The following MACROH2A1 variants were observed in gnomAD, a reference collection of about 807,000 sequenced individuals.
MACROH2A1 encodes the protein macroH2A.1 histone.
Under a neutral mutation model 31.6 loss-of-function variants are expected in MACROH2A1, and 2 were observed. The observed-to-expected ratio is 0.06, with a 90% CI of 0.03 to 0.20. MACROH2A1 has a LOEUF of 0.20. MACROH2A1 is among the 10% of genes least tolerant of loss of function. The pLI is 1.00. For missense variants in MACROH2A1, 230 were observed against 474.0 expected, an observed-to-expected ratio of 0.49 and a Z score of 4.78; for synonymous variants, 169 against 189.6, an observed-to-expected ratio of 0.89 and a Z score of 0.89.
intron 8 of MACROH2A1, among the ~76,000 whole-genome samples, chr5:135,337,359 G>GGCCCATGCCCAT (rs58874397): frequency 2.6e-5 from 4 of 151,676 alleles, no homozygotes; most frequent in South Asian, 2.1e-4. Context: ...AGTGTAGCCT[G>GGCCCATGCCCAT]GCCCATGCCC....
intron 8 of MACROH2A1, among the ~76,000 whole-genome samples, chr5:135,342,463 A>G (rs547132089): frequency 6.6e-6 from 1 of 152,344 alleles, no homozygotes; most frequent in East Asian, 1.9e-4. Context: ...TTATTTGCTG[A>G]CATGTGTGGG....
chr5:135,393,813 G>A (rs1399773171), intron 1 of MACROH2A1, among the ~76,000 whole-genome samples: 2 of 152,136 alleles, frequency 1.3e-5, no homozygotes, highest in African/African-American at 4.8e-5. Context: ...GATCTCTGTG[G>A]TCTTTATTTC....
chr5:135,340,472 G>C (rs1759633317), intron 8 of MACROH2A1, among the ~76,000 whole-genome samples: 1 of 152,210 alleles, frequency 6.6e-6, no homozygotes, highest in Non-Finnish European at 1.5e-5. Context: ...CTGGAGAGGG[G>C]TCACCCCTAA....
intron 1 of MACROH2A1, among the ~76,000 whole-genome samples, chr5:135,397,568 A>G (rs549537652): frequency 6.6e-6 from 1 of 152,348 alleles, no homozygotes; most frequent in South Asian, 2.1e-4. Context: ...CTCCTTGTAA[A>G]ACTAGAAGGG....
intron 2 of MACROH2A1, among the ~76,000 whole-genome samples, chr5:135,375,204 G>C (rs373446655): frequency 1.4e-4 from 21 of 152,308 alleles, no homozygotes; most frequent in African/African-American, 4.8e-4. Flanking sequence ...TGAGTGGCTG[G>C]CACCATCATC....
intron 1 of MACROH2A1, among the ~76,000 whole-genome samples, chr5:135,395,357 G>A (rs1182909124): frequency 6.6e-6 from 1 of 152,142 alleles, no homozygotes; most frequent in Non-Finnish European, 1.5e-5. Flanking sequence ...ATGCAATATT[G>A]ATTAGAACTG....
intron 2 of MACROH2A1, among the ~76,000 whole-genome samples, chr5:135,385,658 T>C (rs1186141922): frequency 6.6e-6 from 1 of 152,112 alleles, no homozygotes. Context: ...TCAAGACAGA[T>C]AAGTGGTTGG....
chr5:135,365,702 A>G (rs1259857694), intron 4 of MACROH2A1, among the ~76,000 whole-genome samples: 2 of 152,260 alleles, frequency 1.3e-5, no homozygotes, highest in Non-Finnish European at 2.9e-5. Context: ...TGTAGTTAAA[A>G]TGCCCTAAAA....
Position 135,389,100 on chromosome 5 carries a change from G to T in MACROH2A1, c.-7C>A. ...TCCCACCGCGGCTCGACATGGCGGTGGCCCTGGAGGCGGATCAGTGAGCAC... is the reference window on the plus strand; with the variant it reads ...TCCCACCGCGGCTCGACATGGCGGTTGCCCTGGAGGCGGATCAGTGAGCAC... On this transcript the variant is annotated 5_prime_UTR_variant, in exon 2 of 9. Transcript: ENST00000511689. 1.2e-6 allele frequency: 2 copies of T among 1,611,044 alleles called. No individual in the cohort carries two copies. Among genetic ancestry groups the T allele is most frequent in the Non-Finnish European group, 1.7e-6 (2 of 1,177,688 alleles).
At chr5:135,361,018 G>A (rs565237474) in intron 4 of MACROH2A1, 27 of 341,224 alleles carry the variant, frequency 7.9e-5, no homozygotes, top group Non-Finnish European at 1.4e-4. Context: ...TCAAAAAGCC[G>A]ACTAAGGACT....
intron 2 of MACROH2A1, among the ~76,000 whole-genome samples, chr5:135,382,226 C>T (rs1246234073): frequency 6.6e-6 from 1 of 152,124 alleles, no homozygotes; most frequent in East Asian, 1.9e-4. Context: ...TGTGCTTGTC[C>T]GTTGGCCCAA....
intron 2 of MACROH2A1, among the ~76,000 whole-genome samples, chr5:135,385,700 G>A (rs1201689932): frequency 6.6e-6 from 1 of 152,162 alleles, no homozygotes; most frequent in African/African-American, 2.4e-5. Flanking sequence ...TGTGGGGCTG[G>A]CTGGCACCTC....
In MACROH2A1 at chr5:135,375,636, G is replaced by C. The variant is rs374936203; in HGVS notation, c.173-5494C>G. ...TAAACACAACCCTTGCAATAGGAAA[G>C]AGTCAGGGGCTTTAACGGAGCTGTC... On this transcript the variant is annotated intron_variant, in intron 2 of 8. Transcript: ENST00000511689. 9.8e-5 allele frequency among the ~76,000 whole-genome samples: 15 copies of C among 152,340 alleles called. No homozygotes were observed. In the East Asian group the frequency reaches 2.9e-3, roughly 29 times the overall value.
intron 4 of MACROH2A1, among the ~76,000 whole-genome samples, chr5:135,366,421 C>A (rs868603566): frequency 6.6e-6 from 1 of 152,122 alleles, no homozygotes; most frequent in Non-Finnish European, 1.5e-5. Context: ...AGCCTCACAA[C>A]CACTTGTGTT....
chr5:135,359,730 T>C (rs1429287041), intron 5 of MACROH2A1: 2 of 966,764 alleles, frequency 2.1e-6, no homozygotes, highest in Non-Finnish European at 2.5e-6. Flanking sequence ...ACTTGGAACG[T>C]CAAATTCATT....
intron 6 of MACROH2A1, chr5:135,346,259 C>T (rs1426555846): frequency 1.0e-5 from 6 of 575,174 alleles, no homozygotes; most frequent in Non-Finnish European, 1.6e-5. Context: ...CAAATTGCTG[C>T]TTCATCTGGC....
At chr5:135,348,193 C>T (rs763751067) in intron 6 of MACROH2A1, among the ~76,000 whole-genome samples, 1 of 152,218 alleles carries the variant, frequency 6.6e-6, no homozygotes, top group African/African-American at 2.4e-5. Flanking sequence ...TTCATGTAGA[C>T]ACACATGTAC....
At chr5:135,393,228 G>T (rs1301024819) in intron 1 of MACROH2A1, among the ~76,000 whole-genome samples, 2 of 152,164 alleles carry the variant, frequency 1.3e-5, no homozygotes, top group East Asian at 1.9e-4. Flanking sequence ...GAAAGAAAAA[G>T]ACCATGGATA....
chr5:135,349,155 C>G (rs1166946910), intron 6 of MACROH2A1, among the ~76,000 whole-genome samples: 1 of 152,174 alleles, frequency 6.6e-6, no homozygotes, highest in East Asian at 1.9e-4. Flanking sequence ...TCTCCCTGGA[C>G]CTGGGTAAGA....
Sources: allele counts gnomAD v4.1 joint callset (sites outside exome capture counted in the v4.1 genomes callset), GRCh38; gene constraint gnomAD v4.1.1; transcripts MANE v1.5; gene names NCBI Gene and HGNC (gene_info 2026-07-23, HGNC 2026-07-21).